The following HTR1F variants were observed in gnomAD, a reference collection of about 807,000 sequenced individuals.
HTR1F encodes the protein 5-hydroxytryptamine receptor 1F, also known as 5-hydroxytryptamine (serotonin) receptor 1F, G protein-coupled.
HTR1F carries 17 observed loss-of-function variants against 24.0 expected under a neutral mutation model. That is an observed-to-expected ratio of 0.71 (90% CI 0.48 to 1.06). The LOEUF is 1.06. Among genes scored for constraint, HTR1F ranks in the 50% least tolerant of loss-of-function variants. The pLI, the probability that HTR1F is intolerant of heterozygous loss-of-function variation, is 0.00. For missense variants in HTR1F, 391 were observed against 427.8 expected (o/e 0.91, Z 0.76); for synonymous variants, 186 against 156.8 (o/e 1.19, Z -1.39).
chr3:87,969,577 T>G (rs1210292811), intron 2 of HTR1F, among the ~76,000 whole-genome samples: 1 of 152,192 alleles, frequency 6.6e-6, no homozygotes, highest in Non-Finnish European at 1.5e-5. Flanking sequence ...ACCCCTACTG[T>G]ATCTAGGAAG....
chr3:87,992,595 A>G lies in HTR1F; in HGVS notation c.*745A>G, dbSNP rs1420664038. 2 of 167,068 alleles carry G rather than the reference A, an allele frequency of 1.2e-5. No individual in the cohort carries two copies. Among genetic ancestry groups the G allele is most frequent in the African/African-American group, 2.4e-5 (1 of 41,460 alleles). The allele number at this position is 167,068 out of a possible 1,614,324, so 10.3% of individuals were successfully genotyped here. A position where few individuals can be genotyped will look rare whatever the true frequency, so the allele number is the denominator to read the frequency against. ...GCCTTACCTTAGTAACAATAACTCA[A>G]CAAAGGGGCATGGGTGACGTTGTTA... On this transcript the variant is annotated 3_prime_UTR_variant, in exon 3 of 3. Coordinates refer to ENST00000319595, the MANE Select transcript of HTR1F (RefSeq NM_001322209.2).
intron 2 of HTR1F, among the ~76,000 whole-genome samples, chr3:87,984,985 G>T (rs1474885492): frequency 6.6e-6 from 1 of 152,056 alleles, no homozygotes; most frequent in Non-Finnish European, 1.5e-5. Flanking sequence ...TTGGATATTT[G>T]CTTACACTTG....
At chr3:87,977,713 T>C (rs1336966053) in intron 2 of HTR1F, among the ~76,000 whole-genome samples, 1 of 151,806 alleles carries the variant, frequency 6.6e-6, no homozygotes, top group Admixed American at 6.6e-5. Context: ...GAGCCACTGC[T>C]CCCCACCAAA....
chr3:87,884,864 A>C (rs1705898929), intron 2 of HTR1F, among the ~76,000 whole-genome samples: 1 of 152,194 alleles, frequency 6.6e-6, no homozygotes, highest in Admixed American at 6.5e-5. Context: ...TTAGAGACCT[A>C]CAAAAAGACT....
intron 2 of HTR1F, among the ~76,000 whole-genome samples, chr3:87,968,452 A>G (rs1705213944): frequency 6.6e-6 from 1 of 152,096 alleles, no homozygotes; most frequent in Non-Finnish European, 1.5e-5. Flanking sequence ...ACCTCAGGTG[A>G]TCACCCACCT....
At chr3:87,985,297 T>C (rs1260514390) in intron 2 of HTR1F, among the ~76,000 whole-genome samples, 2 of 151,646 alleles carry the variant, frequency 1.3e-5, no homozygotes, top group Non-Finnish European at 2.9e-5. Flanking sequence ...GATCACGCCA[T>C]TGTATTCCAG....
chr3:87,887,990 A>C (rs1382015945), intron 2 of HTR1F, among the ~76,000 whole-genome samples: 3 of 152,218 alleles, frequency 2.0e-5, no homozygotes, highest in African/African-American at 4.8e-5. Flanking sequence ...AAGGATTATA[A>C]ATCAGGCTAC....
At chr3:87,904,207 G>T (rs1703604933) in intron 2 of HTR1F, among the ~76,000 whole-genome samples, 1 of 152,074 alleles carries the variant, frequency 6.6e-6, no homozygotes, top group African/African-American at 2.4e-5. Context: ...CTAAAATTTA[G>T]GAGGCTGACA....
chr3:87,870,139 T>C (rs1204544234), intron 2 of HTR1F, among the ~76,000 whole-genome samples: 1 of 152,138 alleles, frequency 6.6e-6, no homozygotes, highest in African/African-American at 2.4e-5. Flanking sequence ...GTATTGTACA[T>C]ACTTCATAAC....
intron 2 of HTR1F, among the ~76,000 whole-genome samples, chr3:87,985,000 C>G (rs1025121410): frequency 2.0e-5 from 3 of 152,240 alleles, no homozygotes; most frequent in African/African-American, 7.2e-5. Flanking sequence ...CACTTGAACA[C>G]CCTTCTCATT....
chr3:87,794,631 G>A (rs1703873479), intron 1 of HTR1F, among the ~76,000 whole-genome samples: 1 of 152,140 alleles, frequency 6.6e-6, no homozygotes, highest in South Asian at 2.1e-4. Context: ...GCTTATTACA[G>A]AGCTAATGAG....
intron 2 of HTR1F, among the ~76,000 whole-genome samples, chr3:87,856,751 C>T (rs796145166): frequency 2.6e-5 from 4 of 152,032 alleles, no homozygotes; most frequent in African/African-American, 9.6e-5. Flanking sequence ...AAATGTATGC[C>T]CATGTAAATA....
rs570352577 is a variant in HTR1F at position 87,852,883 on chromosome 3, T to A, written c.-43+30759T>A. Among the ~76,000 whole-genome samples the A allele has an allele frequency of 1.1e-4, 17 of 151,832 alleles. No homozygotes were observed. The East Asian group carries it at 1.7e-3, about 15-fold the overall frequency. ...AAACTTCCCTCAAAAAATCAGAATATTTCATTGTTCATATTTTTACGTCCT... is the reference window on the plus strand; with the variant it reads ...AAACTTCCCTCAAAAAATCAGAATAATTCATTGTTCATATTTTTACGTCCT... On this transcript the variant is annotated intron_variant, in intron 2 of 2. Transcript: ENST00000319595.
At chr3:87,966,669 T>C (rs1322844631) in intron 2 of HTR1F, among the ~76,000 whole-genome samples, 1 of 152,114 alleles carries the variant, frequency 6.6e-6, no homozygotes, top group Non-Finnish European at 1.5e-5. Context: ...AAATAAATAC[T>C]TGCTGATTAA....
intron 2 of HTR1F, among the ~76,000 whole-genome samples, chr3:87,920,957 C>G (rs574166628): frequency 3.9e-5 from 6 of 152,066 alleles, no homozygotes; most frequent in African/African-American, 1.4e-4. Flanking sequence ...TCTGACTATC[C>G]TTTCCTTAGG....
At chr3:87,956,214 G>A (rs1704939789) in intron 2 of HTR1F, among the ~76,000 whole-genome samples, 1 of 151,212 alleles carries the variant, frequency 6.6e-6, no homozygotes, top group African/African-American at 2.4e-5. Context: ...TAATTTTTGT[G>A]TATCTGTAAA....
At chr3:87,912,592 T>TA (rs1174886616) in intron 2 of HTR1F, among the ~76,000 whole-genome samples, 79 of 73,304 alleles carry the variant, frequency 1.1e-3, no homozygotes, top group African/African-American at 6.9e-3. Context: ...CGTATAAAGT[T>TA]TAAAAAAAAA....
At chr3:87,960,124 C>T (rs1284212791) in intron 2 of HTR1F, among the ~76,000 whole-genome samples, 5 of 151,312 alleles carry the variant, frequency 3.3e-5, no homozygotes, top group African/African-American at 1.2e-4. Flanking sequence ...TGCCATACCC[C>T]AATCAATTAA....
intron 2 of HTR1F, among the ~76,000 whole-genome samples, chr3:87,846,949 G>A (rs1335089233): frequency 6.6e-6 from 1 of 151,542 alleles, no homozygotes; most frequent in East Asian, 1.9e-4. Context: ...TAATTTTATG[G>A]CAAGTATATT....
Sources: allele counts gnomAD v4.1 joint callset (sites outside exome capture counted in the v4.1 genomes callset), GRCh38; gene constraint gnomAD v4.1.1; transcripts MANE v1.5; gene names NCBI Gene and HGNC (gene_info 2026-07-23, HGNC 2026-07-21).